The following CABLES2 variants were observed in gnomAD, a reference collection of about 807,000 sequenced individuals.
CABLES2 encodes Cdk5 and Abl enzyme substrate 2.
A neutral mutation model predicts 44.8 loss-of-function variants in CABLES2; 35 were observed. That is an observed-to-expected ratio of 0.78 (90% confidence interval 0.60 to 1.04). The LOEUF (loss-of-function observed/expected upper bound fraction) is 1.04. CABLES2 is among the 50% of genes least tolerant of loss of function. The pLI, the probability that CABLES2 is intolerant of heterozygous loss-of-function variation, is 0.00. For missense variants in CABLES2, 566 were observed against 615.7 expected (o/e 0.92, Z 0.85); for synonymous variants, 282 against 281.1 (o/e 1.00, Z -0.03).
intron 1 of CABLES2, among the ~76,000 whole-genome samples, chr20:62,406,137 C>T (rs1234940442): frequency 6.6e-6 from 1 of 151,846 alleles, no homozygotes; most frequent in Non-Finnish European, 1.5e-5. Context: ...TGGGGAAGGG[C>T]GGGGCTCAGC....
chr20:62,404,151 T>G (rs1331557893), intron 1 of CABLES2: 1 of 152,150 alleles, frequency 6.6e-6, no homozygotes, highest in African/African-American at 2.4e-5. Context: ...ACTGCACTCC[T>G]GCCTGGGAGA....
intron 1 of CABLES2, among the ~76,000 whole-genome samples, chr20:62,398,261 A>ATGATGG (rs1569017985): frequency 1.6e-5 from 1 of 63,190 alleles, no homozygotes. Flanking sequence ...GGTGGTGGTG[A>ATGATGG]TGGTGATGGC....
In CABLES2 at chr20:62,391,427, G is replaced by A. The variant is rs752198184; in HGVS notation, c.1118C>T (p.Ser373Leu). Reference sequence around the variant, plus strand: ...CACGGGCTCCAGGCTGCACTCCTCCGACAGGCTCCGCATCTCCCGCTTTAA... The same window carrying A: ...CACGGGCTCCAGGCTGCACTCCTCCAACAGGCTCCGCATCTCCCGCTTTAA... ...RSLKREMRSLSEECSLEPVTV... is the reference protein window; with the variant it reads ...RSLKREMRSLLEECSLEPVTV... The change falls in exon 9 of 10, where the codon TCG (serine) becomes TTG (leucine). Residue 373 changes from serine (S) to leucine (L), a missense_variant. This residue lies in a region of CABLES2 where 436 missense variants were observed against 536.3 expected (regional missense o/e 0.81). Coordinates refer to ENST00000279101, the MANE Select transcript of CABLES2 (RefSeq NM_031215.3). This position sits in a 1 kb window ranked among gnomAD's most constrained non-coding sequence, Gnocchi z 5.7. 16 of 1,613,044 alleles carry A rather than the reference G, an allele frequency of 9.9e-6. No individual in the cohort carries two copies. Among genetic ancestry groups the A allele is most frequent in the South Asian group, 6.6e-5 (6 of 91,074 alleles).
intron 1 of CABLES2, among the ~76,000 whole-genome samples, chr20:62,398,202 G>GGTGGTGGTGA (rs879730947): frequency 7.1e-5 from 8 of 112,556 alleles, no homozygotes; most frequent in African/African-American, 1.5e-4. Flanking sequence ...GATGATGGTG[G>GGTGGTGGTGA]TGATGGTGAT....
chr20:62,397,938 ATGGTGG>A (rs1555890674), intron 1 of CABLES2, among the ~76,000 whole-genome samples: 1 of 63,622 alleles, frequency 1.6e-5, no homozygotes, highest in Non-Finnish European at 2.8e-5. Flanking sequence ...GGTGGTGGTG[ATGGTGG>A]TGACGGTAGT....
At chr20:62,402,005 G>GGGC (rs926848545) in intron 1 of CABLES2, among the ~76,000 whole-genome samples, 5 of 152,146 alleles carry the variant, frequency 3.3e-5, no homozygotes, top group Non-Finnish European at 5.9e-5. Context: ...GTCCCAGGAG[G>GGGC]CCCCGCTCCT....
chr20:62,394,329 C>T (rs1987976168), intron 4 of CABLES2, 64 bp from the exon 5 acceptor site: 4 of 1,361,718 alleles, frequency 2.9e-6, no homozygotes, highest in Non-Finnish European at 4.2e-6. Context: ...GCAGCCCAGC[C>T]CACCTGTCCG....
At position 62,393,572 on chromosome 20, in the gene CABLES2, T is replaced by G; in HGVS notation, c.748A>C (p.Asn250His). Residue 250 changes from asparagine to histidine, a missense_variant, in exon 6 of 10, where the codon AAC (asparagine) becomes CAC (histidine). Transcript: ENST00000279101. The part of the protein sequence containing the change: ...VSYAKFLYPT[N>H]ALVTHKSDSH... ...TCACTCTTGTGTGTGACCAGGGCGT[T>G]GGTGGGATACAGGAACTTCGCATAA... 1 of 1,608,686 alleles carries G rather than the reference T, an allele frequency of 6.2e-7. No individual in the cohort carries two copies. Among genetic ancestry groups the G allele is most frequent in the Non-Finnish European group, 8.5e-7 (1 of 1,177,246 alleles).
At chr20:62,394,864 G>T in intron 4 of CABLES2, 73 bp downstream of exon 4, 1 of 1,415,550 alleles carries the variant, frequency 7.1e-7, no homozygotes, top group Non-Finnish European at 9.8e-7. Flanking sequence ...GATGCCTCCT[G>T]GGCCTGGCCG....
At chr20:62,399,392 G>T (rs886358007) in intron 1 of CABLES2, among the ~76,000 whole-genome samples, 1 of 151,842 alleles carries the variant, frequency 6.6e-6, no homozygotes, top group Non-Finnish European at 1.5e-5. Flanking sequence ...GACTACAGGC[G>T]CCCGCCACCA....
chr20:62,401,442 G>T (rs73319047), intron 1 of CABLES2, among the ~76,000 whole-genome samples: 2,562 of 152,342 alleles, frequency 0.017, 84 homozygotes, highest in African/African-American at 0.058. Flanking sequence ...GTGCAGATGG[G>T]ACCCAGGCCA....
Position 62,395,926 on chromosome 20 carries a change from C to A in CABLES2, c.527+389G>T, listed in dbSNP as rs538594920. 1.9e-4 allele frequency among the ~76,000 whole-genome samples: 29 copies of A among 152,364 alleles called. No individual in the cohort carries two copies. In the South Asian group the frequency reaches 5.4e-3, roughly 28 times the overall value. ...GCTGCGGCCCTCCGCCAGCTTTGGG[C>A]AGCCAGGTGTTTGGTTTATTCAGCC... is the stretch of plus-strand genomic sequence containing the variant. On this transcript the variant is annotated intron_variant, in intron 3 of 9. Transcript: ENST00000279101.
intron 1 of CABLES2, among the ~76,000 whole-genome samples, chr20:62,398,162 GATGGTGGTA>G (rs1988101254): frequency 8.1e-6 from 1 of 124,158 alleles, no homozygotes; most frequent in Non-Finnish European, 1.6e-5. Context: ...TGGTGACGGT[GATGGTGGTA>G]ATGGTGGTGG....
chr20:62,390,763 G>A lies in CABLES2; in HGVS notation c.*208C>T, dbSNP rs759928204. On this transcript the variant is annotated 3_prime_UTR_variant, in exon 10 of 10. Transcript: ENST00000279101. ...CAGGAGAATTCTCAGAAATCCCCTC[G>A]GAGGGACGGTGCACTTGGGGATGAA... 1.4e-5 allele frequency: 8 copies of A among 584,316 alleles called. No individual in the cohort carries two copies. The highest frequency in any genetic ancestry group is 2.1e-5 in the Non-Finnish European group (7 of 329,144). 36.2% of individuals were successfully genotyped at this position (584,316 alleles called of 1,614,324 possible).
At position 62,391,679 on chromosome 20, in the gene CABLES2, G is replaced by T. The variant is rs947195194; in HGVS notation, c.1092-226C>A. Among the ~76,000 whole-genome samples the T allele has an allele frequency of 6.6e-6, 1 of 152,098 alleles. No homozygotes were observed. The highest frequency in any genetic ancestry group is 2.4e-5 in the African/African-American group (1 of 41,422). ...GGTTTTGGCTTCCCCCGTCCCGTGG[G>T]TGGGCACCCATGGCAGCTCCCACCT... is the stretch of plus-strand genomic sequence containing the variant. On this transcript the variant is annotated intron_variant, in intron 8 of 9. Coordinates refer to ENST00000279101, the MANE Select transcript of CABLES2 (RefSeq NM_031215.3). This position sits in a 1 kb window ranked among gnomAD's most constrained non-coding sequence, Gnocchi z 5.7.
Position 62,388,759 on chromosome 20 carries a change from G to A in CABLES2, c.*2212C>T, listed in dbSNP as rs1274031902. On this transcript the variant is annotated 3_prime_UTR_variant, in exon 10 of 10. Transcript: ENST00000279101. Reference sequence around the variant, plus strand: ...CACACTGACATCCACAACTGCTACCGGTGCGGAAGCAACGCCAGGCCTGGT... The same window carrying A: ...CACACTGACATCCACAACTGCTACCAGTGCGGAAGCAACGCCAGGCCTGGT... 6.1e-6 allele frequency: 3 copies of A among 492,410 alleles called. No homozygotes were observed. The highest frequency in any genetic ancestry group is 3.8e-5 in the Admixed American group (1 of 26,256). The allele number at this position is 492,410 out of a possible 1,614,324, so 30.5% of individuals were successfully genotyped here. A position where few individuals can be genotyped will look rare whatever the true frequency, so the allele number is the denominator to read the frequency against.
In CABLES2 at chr20:62,396,263, G is replaced by C; in HGVS notation, c.527+52C>G. On this transcript the variant is annotated intron_variant, in intron 3 of 9. Coordinates refer to ENST00000279101, the MANE Select transcript of CABLES2 (RefSeq NM_031215.3). This position sits in a 1 kb window ranked among gnomAD's most constrained non-coding sequence, Gnocchi z 5.7. ...GCTTGGCTGACAGGGGCAGGACCCC[G>C]TGGGCTTATGGAGACCACAGCCCTG... 8 of 1,482,790 alleles carry C rather than the reference G, an allele frequency of 5.4e-6. No homozygotes were observed. The highest frequency in any genetic ancestry group is 5.7e-6 in the Non-Finnish European group (6 of 1,061,392). 91.9% of individuals were successfully genotyped at this position (1,482,790 alleles called of 1,614,324 possible).
intron 1 of CABLES2, among the ~76,000 whole-genome samples, chr20:62,397,456 A>G (rs1988040598): frequency 6.6e-6 from 1 of 152,090 alleles, no homozygotes; most frequent in South Asian, 2.1e-4. Flanking sequence ...GTGCAGGCAA[A>G]TATTTGTTGG....
At chr20:62,398,162 G>GGTA (rs1436658474) in intron 1 of CABLES2, among the ~76,000 whole-genome samples, 1 of 124,158 alleles carries the variant, frequency 8.1e-6, no homozygotes, top group African/African-American at 3.7e-5. Flanking sequence ...TGGTGACGGT[G>GGTA]ATGGTGGTAA....
Sources: gnomAD v4.1 joint callset for allele counts (sites outside exome capture counted in the v4.1 genomes callset) on GRCh38, gnomAD v4.1.1 for gene constraint, gnomAD v4.1.1 regional missense constraint, Gnocchi (gnomAD v3.1) non-coding constraint, MANE v1.5 for transcripts, NCBI Gene and HGNC (gene_info 2026-07-23, HGNC 2026-07-21) for gene names.